The following UBA5 variants were observed in gnomAD, a reference collection of about 807,000 sequenced individuals.
The protein encoded by UBA5 is ubiquitin-like modifier-activating enzyme 5.
UBA5 carries 28 observed loss-of-function variants against 52.9 expected under a neutral mutation model. That is an observed-to-expected ratio of 0.53 (90% confidence interval 0.39 to 0.73). The LOEUF (loss-of-function observed/expected upper bound fraction) is 0.73. Among genes scored for constraint, UBA5 ranks in the 30% least tolerant of loss-of-function variants. The probability of loss-of-function intolerance (pLI) is 0.00; values close to 1 mark genes in which losing one functional copy is unlikely to be tolerated. For synonymous variants in UBA5, 135 were observed against 162.1 expected (o/e 0.83, Z 1.27); for missense variants, 388 against 492.7 (o/e 0.79, Z 2.01).
Position 132,675,684 on chromosome 3 carries a change from G to T in UBA5, c.1024+4G>T. ...ATCCATGAAGATAATGAATGGGGTAGGTATTCTTTTATAAATTGAAATGGC... is the reference window on the plus strand; with the variant it reads ...ATCCATGAAGATAATGAATGGGGTATGTATTCTTTTATAAATTGAAATGGC... On this transcript the variant is annotated splice_donor_region_variant and intron_variant, in intron 10 of 11. Coordinates refer to ENST00000356232, the MANE Select transcript of UBA5 (RefSeq NM_024818.6). 6.2e-7 allele frequency: 1 copy of T among 1,603,158 alleles called. No homozygotes were observed. The highest frequency in any genetic ancestry group is 1.1e-5 in the South Asian group (1 of 89,726).
At chr3:132,672,003 C>A in intron 7 of UBA5, 47 bp from the exon 8 acceptor site, 1 of 1,609,338 alleles carries the variant, frequency 6.2e-7, no homozygotes, top group South Asian at 1.1e-5. Context: ...TGGAACATCT[C>A]ATACTTTTTC....
At position 132,675,943 on chromosome 3, in the gene UBA5, T is replaced by C. The variant is rs759758677; in HGVS notation, c.1131+20T>C. The C allele has an allele frequency of 7.1e-7, 1 of 1,410,734 alleles. No homozygotes were observed. Among genetic ancestry groups the C allele is most frequent in the South Asian group, 1.2e-5 (1 of 80,700 alleles). 87.4% of individuals were successfully genotyped at this position (1,410,734 alleles called of 1,614,324 possible). A position where few individuals can be genotyped will look rare whatever the true frequency, so the allele number is the denominator to read the frequency against. The stretch of plus-strand genomic sequence containing the variant: ...AAAAAGGTACTTCAAAAATATGATT[T>C]ACCCATATGTAAATATCATATAAAA... On this transcript the variant is annotated intron_variant, in intron 11 of 11. Transcript: ENST00000356232.
chr3:132,676,547 G>A lies in UBA5; in HGVS notation c.*21G>A, dbSNP rs1173186523. On this transcript the variant is annotated 3_prime_UTR_variant, in exon 12 of 12. Transcript: ENST00000356232. This position sits in a 1 kb window ranked among gnomAD's most constrained non-coding sequence, Gnocchi z 4.1. ...TGTAGATAATGGACTGGGATATATT[G>A]TATTTCTCATGTTAAAGCCTCTTCC... 6.4e-7 allele frequency: 1 copy of A among 1,556,814 alleles called. No individual in the cohort carries two copies. Among genetic ancestry groups the A allele is most frequent in the South Asian group, 1.2e-5 (1 of 84,440 alleles).
intron 8 of UBA5, 105 bp downstream of exon 8, chr3:132,672,282 T>C (rs986127310): frequency 3.0e-6 from 4 of 1,313,622 alleles, no homozygotes; most frequent in African/African-American, 1.5e-5. Flanking sequence ...AAGTATATAA[T>C]TTAGTTACTT....
upstream of UBA5, among the ~76,000 whole-genome samples, chr3:132,655,882 A>G (rs148623089): frequency 3.3e-5 from 5 of 152,358 alleles, no homozygotes; most frequent in Admixed American, 3.3e-4. Flanking sequence ...TAAATATTTT[A>G]TCTTTCCAAT....
chr3:132,660,764 G>C lies in UBA5; in HGVS notation c.161+66G>C. The C allele has an allele frequency of 1.4e-6, 2 of 1,460,364 alleles. No individual in the cohort carries two copies. The highest frequency in any genetic ancestry group is 2.5e-5 in the East Asian group (1 of 40,096). 90.5% of individuals were successfully genotyped at this position (1,460,364 alleles called of 1,614,324 possible). A position where few individuals can be genotyped will look rare whatever the true frequency, so the allele number is the denominator to read the frequency against. On this transcript the variant is annotated intron_variant, in intron 1 of 11. Transcript: ENST00000356232. This position sits in a 1 kb window ranked among gnomAD's most constrained non-coding sequence, Gnocchi z 4.1. ...GGTCAGGCTCCGTGAGGTCAGAAGT[G>C]AGGCGCTTCCCACGTCCCGCTCATG...
intron 1 of UBA5, among the ~76,000 whole-genome samples, chr3:132,663,226 T>G (rs575882320): frequency 6.6e-6 from 1 of 151,988 alleles, no homozygotes; most frequent in South Asian, 2.1e-4. Context: ...GAACTTCAGG[T>G]AGGGCTAAAA....
Position 132,660,781 on chromosome 3 carries a change from C to T in UBA5, c.161+83C>T, listed in dbSNP as rs922246733. 1.1e-5 allele frequency: 16 copies of T among 1,452,112 alleles called. No homozygotes were observed. Among genetic ancestry groups the T allele is most frequent in the Non-Finnish European group, 1.5e-5 (16 of 1,099,396 alleles). The allele number at this position is 1,452,112 out of a possible 1,614,324, so 90.0% of individuals were successfully genotyped here. ...TCAGAAGTGAGGCGCTTCCCACGTC[C>T]CGCTCATGGGGACGCCCGCCACCCT... On this transcript the variant is annotated intron_variant, in intron 1 of 11. Transcript: ENST00000356232. The surrounding 1 kb of genome is among the most constrained non-coding windows in gnomAD (Gnocchi z 4.1).
At chr3:132,656,205 T>G (rs112325817), upstream of UBA5, among the ~76,000 whole-genome samples, 106 of 152,398 alleles carry the variant, frequency 7.0e-4, 1 homozygote, top group African/African-American at 2.0e-3. Context: ...GTGAATATAC[T>G]GCAATTTATT....
intron 4 of UBA5, among the ~76,000 whole-genome samples, chr3:132,669,330 C>CA (rs1938507136): frequency 6.6e-6 from 1 of 152,050 alleles, no homozygotes; most frequent in Non-Finnish European, 1.5e-5. Flanking sequence ...TGTAGTGACA[C>CA]AATCTCGGCT....
At chr3:132,668,525 G>T (rs1018051833) in intron 3 of UBA5, 2 of 183,392 alleles carry the variant, frequency 1.1e-5, no homozygotes, top group African/African-American at 4.7e-5. Flanking sequence ...TGTGGTTGAG[G>T]TGCAGATGCT....
upstream of UBA5, among the ~76,000 whole-genome samples, chr3:132,656,307 T>C (rs1055385978): frequency 6.6e-6 from 1 of 152,204 alleles, no homozygotes; most frequent in Admixed American, 6.5e-5. Context: ...TGTCCCCTTA[T>C]ACTGTAGTAC....
In UBA5 at chr3:132,678,339, C is replaced by T. The variant is rs138271775; in HGVS notation, c.*1813C>T. Among the ~76,000 whole-genome samples, 8 of 152,138 alleles carry T rather than the reference C, an allele frequency of 5.3e-5. No individual in the cohort carries two copies. In the East Asian group the frequency reaches 7.7e-4, roughly 15 times the overall value. On this transcript the variant is annotated 3_prime_UTR_variant, in exon 12 of 12. Transcript: ENST00000356232. Reference sequence around the variant, plus strand: ...ACTTGCATAAGAAGGCAGCTGATTACGAAAAATTAATCATCATTGAATTTA... The same window carrying T: ...ACTTGCATAAGAAGGCAGCTGATTATGAAAAATTAATCATCATTGAATTTA...
intron 1 of UBA5, among the ~76,000 whole-genome samples, chr3:132,655,126 C>T (rs1212819085): frequency 6.6e-6 from 1 of 152,154 alleles, no homozygotes; most frequent in South Asian, 2.1e-4. Context: ...TTGACCAAAA[C>T]GTCATTATGC....
Position 132,660,926 on chromosome 3 carries a change from T to G in UBA5, c.161+228T>G. 1 of 1,487,262 alleles carries G rather than the reference T, an allele frequency of 6.7e-7. No individual in the cohort carries two copies. The allele number at this position is 1,487,262 out of a possible 1,614,324, so 92.1% of individuals were successfully genotyped here. A position where few individuals can be genotyped will look rare whatever the true frequency, so the allele number is the denominator to read the frequency against. Reference sequence around the variant, plus strand: ...AGTCAGCCATATGGTGCTGCTCCTGTGCCTGCTGAGGACGTGTGTCCAGTT... The same window carrying G: ...AGTCAGCCATATGGTGCTGCTCCTGGGCCTGCTGAGGACGTGTGTCCAGTT... On this transcript the variant is annotated intron_variant, in intron 1 of 11. Coordinates refer to ENST00000356232, the MANE Select transcript of UBA5 (RefSeq NM_024818.6). This position sits in a 1 kb window ranked among gnomAD's most constrained non-coding sequence, Gnocchi z 4.1.
At chr3:132,654,948 CTAGGCTA>C (rs1157776849) in intron 1 of UBA5, among the ~76,000 whole-genome samples, 1 of 152,220 alleles carries the variant, frequency 6.6e-6, no homozygotes, top group African/African-American at 2.4e-5. Context: ...CCTGCTGCTC[CTAGGCTA>C]TAAACCTGTG....
At chr3:132,674,073 C>T (rs186174005) in intron 8 of UBA5, among the ~76,000 whole-genome samples, 1 of 152,304 alleles carries the variant, frequency 6.6e-6, no homozygotes, top group African/African-American at 2.4e-5. Flanking sequence ...GTACCTGGTT[C>T]ACCCATACCT....
At position 132,675,803 on chromosome 3, in the gene UBA5, G is replaced by C. The variant is rs552931444; in HGVS notation, c.1025-14G>C. ...TTAAATTCCTTAAAAACTGACATAG[G>C]ATCAAATTTACAGGTATTGAGCTGG... is the stretch of plus-strand genomic sequence containing the variant. On this transcript the variant is annotated splice_polypyrimidine_tract_variant and intron_variant, in intron 10 of 11. Transcript: ENST00000356232. 9.0e-5 allele frequency: 143 copies of C among 1,592,186 alleles called. No homozygotes were observed. Among genetic ancestry groups the C allele is most frequent in the Non-Finnish European group, 1.2e-4 (143 of 1,167,234 alleles).
intron 6 of UBA5, among the ~76,000 whole-genome samples, chr3:132,671,250 ATG>A (rs1411218961): frequency 2.6e-5 from 4 of 152,204 alleles, no homozygotes; most frequent in African/African-American, 9.6e-5. Context: ...CTGCTGTGAC[ATG>A]TGTTACAGTA....
Sources: allele counts gnomAD v4.1 joint callset (sites outside exome capture counted in the v4.1 genomes callset), GRCh38; gene constraint gnomAD v4.1.1; non-coding constraint Gnocchi (gnomAD v3.1); transcripts MANE v1.5; gene names NCBI Gene and HGNC (gene_info 2026-07-23, HGNC 2026-07-21).